Variants in ACTN4 observed in about 807,000 individuals in gnomAD.
The protein encoded by ACTN4 is actinin alpha 4.
A neutral mutation model predicts 114.2 loss-of-function variants in ACTN4; 18 were observed. The ratio of observed to expected loss-of-function variants is 0.16; its 90% CI spans 0.11 to 0.23. ACTN4 has a LOEUF of 0.23. Among genes scored for constraint, ACTN4 ranks in the 10% least tolerant of loss-of-function variants. The pLI, the probability that ACTN4 is intolerant of heterozygous loss-of-function variation, is 1.00. For synonymous variants in ACTN4, 515 were observed against 506.3 expected (o/e 1.02, Z -0.23); for missense variants, 722 against 1,262.9 (o/e 0.57, Z 6.49).
chr19:38,700,462 C>A, intron 1 of ACTN4, 138 bp from the exon 2 acceptor site: 1 of 741,490 alleles, frequency 1.3e-6, no homozygotes, highest in Non-Finnish European at 2.4e-6. Flanking sequence ...GTGTATCGGC[C>A]ATGTACGGTG....
At chr19:38,687,230 C>A (rs542664841) in intron 1 of ACTN4, among the ~76,000 whole-genome samples, 1 of 152,310 alleles carries the variant, frequency 6.6e-6, no homozygotes, top group East Asian at 1.9e-4. Flanking sequence ...CCTCAGCCCC[C>A]CCAAAGTGCT....
At chr19:38,666,131 C>T (rs896009577) in intron 1 of ACTN4, among the ~76,000 whole-genome samples, 1 of 152,130 alleles carries the variant, frequency 6.6e-6, no homozygotes, top group African/African-American at 2.4e-5. Flanking sequence ...GTGCTTCTCA[C>T]GCCTGCTGCT....
In ACTN4 at chr19:38,728,009, G is replaced by A. The variant is rs141727248; in HGVS notation, c.2401G>A (p.Val801Met). The A allele has an allele frequency of 5.8e-3, 9,346 of 1,612,964 alleles. 29 individuals are homozygous for A. The highest frequency in any genetic ancestry group is 7.1e-3 in the Non-Finnish European group (8,395 of 1,179,846). Residue 801 changes from valine to methionine, a missense_variant, in exon 19 of 21, where the codon GTG becomes ATG. This residue lies in a region of ACTN4 where 523 missense variants were observed against 875.9 expected (regional missense o/e 0.60). Transcript: ENST00000252699. ...KACLISLGYD[V>M]ENDRQGEAEF... is the part of the protein sequence containing the mutation. The stretch of plus-strand genomic sequence containing the variant: ...CTGCCTCATCAGCCTGGGCTACGAC[G>A]TGGAGAACGACCGGCAGGTACTGCA...
At chr19:38,709,309 T>G in intron 6 of ACTN4, 86 bp from the exon 7 acceptor site, 1 of 1,030,470 alleles carries the variant, frequency 9.7e-7, no homozygotes, top group Non-Finnish European at 1.5e-6. Context: ...CTCCCGGGTC[T>G]CTCCCTCTGG....
intron 4 of ACTN4, among the ~76,000 whole-genome samples, 166 bp downstream of exon 4, chr19:38,705,186 C>T (rs1968415981): frequency 6.6e-6 from 1 of 152,198 alleles, no homozygotes; most frequent in South Asian, 2.1e-4. Flanking sequence ...AAGGGAGGCT[C>T]CTCCCAGCTG....
intron 1 of ACTN4, among the ~76,000 whole-genome samples, chr19:38,674,842 C>T (rs1003619687): frequency 6.6e-6 from 1 of 152,198 alleles, no homozygotes; most frequent in Non-Finnish European, 1.5e-5. Context: ...ATCAGTGTGC[C>T]TACCATTCAG....
chr19:38,660,377 T>C (rs969119539), intron 1 of ACTN4, among the ~76,000 whole-genome samples: 1 of 151,990 alleles, frequency 6.6e-6, no homozygotes, highest in African/African-American at 2.4e-5. Context: ...GTGCTTCCCA[T>C]GGACTGACTG....
rs118095019 is a variant in ACTN4 at position 38,717,573 on chromosome 19, G to C, written c.1143+257G>C. On this transcript the variant is annotated intron_variant, in intron 10 of 20. Transcript: ENST00000252699. This position sits in a 1 kb window ranked among gnomAD's most constrained non-coding sequence, Gnocchi z 4.0. Reference sequence around the variant, plus strand: ...CCTTGCCACGGGTTGTGTGGGTGTGGAGTGGTGTGAATTTGGAGCCGTGGT... The same window carrying C: ...CCTTGCCACGGGTTGTGTGGGTGTGCAGTGGTGTGAATTTGGAGCCGTGGT... Among the ~76,000 whole-genome samples, 3,815 of 152,254 alleles carry C rather than the reference G, an allele frequency of 0.025. 81 individuals carry two copies. The highest frequency in any genetic ancestry group is 0.06 in the Admixed American group (916 of 15,290).
Position 38,659,921 on chromosome 19 carries a change from C to CTTT in ACTN4, c.162+12028_162+12030dup, listed in dbSNP as rs3033328. On this transcript the variant is annotated intron_variant, in intron 1 of 20. Transcript: ENST00000252699. Reference sequence around the variant, plus strand: ...TTCCTCCATCTTATTTCTATATGATCTTTTTTTTTTTTTTTTGAGTTGGAG... The same window carrying CTTT: ...TTCCTCCATCTTATTTCTATATGATCTTTTTTTTTTTTTTTTTTTGAGTTGGAG... Among the ~76,000 whole-genome samples, 229 of 131,980 alleles carry CTTT rather than the reference C, an allele frequency of 1.7e-3. 7 individuals are homozygous for CTTT. Among genetic ancestry groups the CTTT allele is most frequent in the East Asian group, 3.5e-3 (16 of 4,522 alleles). The allele number at this position is 131,980 out of a possible 152,430, so 86.6% of individuals were successfully genotyped here.
At chr19:38,670,480 A>G (rs1301261819) in intron 1 of ACTN4, among the ~76,000 whole-genome samples, 1 of 152,086 alleles carries the variant, frequency 6.6e-6, no homozygotes, top group African/African-American at 2.4e-5. Context: ...GGATTATCAC[A>G]TGGTAGGTGA....
At chr19:38,650,772 G>A (rs921912413) in intron 1 of ACTN4, among the ~76,000 whole-genome samples, 4 of 152,044 alleles carry the variant, frequency 2.6e-5, no homozygotes, top group East Asian at 1.9e-4. Flanking sequence ...TTTTGGAGAC[G>A]GAGTTTTGCT....
intron 1 of ACTN4, among the ~76,000 whole-genome samples, chr19:38,663,245 G>A (rs751061325): frequency 2.2e-4 from 33 of 152,172 alleles, no homozygotes; most frequent in Non-Finnish European, 3.7e-4. Context: ...TGTGTAACAT[G>A]AGTTGGGGCT....
chr19:38,692,546 G>A (rs370429413), intron 1 of ACTN4, among the ~76,000 whole-genome samples: 11 of 152,244 alleles, frequency 7.2e-5, no homozygotes, highest in East Asian at 3.8e-4. Flanking sequence ...TGCCTGTGCC[G>A]CTGGTAACCC....
chr19:38,677,088 G>A (rs575001839), intron 1 of ACTN4, among the ~76,000 whole-genome samples: 2 of 152,150 alleles, frequency 1.3e-5, no homozygotes, highest in African/African-American at 4.8e-5. Context: ...TGCCCCTTTC[G>A]CCTCAGCTCG....
At chr19:38,681,129 GAAAAAAAAAAA>G (rs35906770) in intron 1 of ACTN4, among the ~76,000 whole-genome samples, 4 of 69,290 alleles carry the variant, frequency 5.8e-5, no homozygotes, top group African/African-American at 1.3e-4. Flanking sequence ...CCAATCTCTA[GAAAAAAAAAAA>G]AAAAAAAAAA....
At chr19:38,684,779 C>T (rs1721829920) in intron 1 of ACTN4, among the ~76,000 whole-genome samples, 1 of 152,112 alleles carries the variant, frequency 6.6e-6, no homozygotes, top group South Asian at 2.1e-4. Flanking sequence ...CTTTCTCTCT[C>T]TGTGGTCATG....
chr19:38,651,747 T>G (rs900565214), intron 1 of ACTN4, among the ~76,000 whole-genome samples: 3 of 151,368 alleles, frequency 2.0e-5, no homozygotes, highest in African/African-American at 7.3e-5. Flanking sequence ...TTTTGTTTTG[T>G]TTTTTTTGAG....
rs974937396 is a variant in ACTN4 at position 38,704,879 on chromosome 19, A to G, written c.398-55A>G. On this transcript the variant is annotated intron_variant, in intron 3 of 20. Coordinates refer to ENST00000252699, the MANE Select transcript of ACTN4 (RefSeq NM_004924.6). ...AGGCCACCTTCAGGTTGGGCGGAGG[A>G]GCCTCACTCTGGTTTTAACGACCTT... The G allele has an allele frequency of 7.2e-6, 11 of 1,538,042 alleles. No homozygotes were observed. The African/African-American group carries it at 1.5e-4, about 21-fold the overall frequency.
chr19:38,726,883 G>T (rs1028666005), intron 17 of ACTN4, 74 bp from the exon 18 acceptor site: 1 of 1,601,352 alleles, frequency 6.2e-7, no homozygotes, highest in African/African-American at 1.3e-5. Flanking sequence ...ACAGTTCACA[G>T]TCCTCCACGT....
Sources: allele counts gnomAD v4.1 joint callset (sites outside exome capture counted in the v4.1 genomes callset), GRCh38; gene constraint gnomAD v4.1.1; regional missense constraint gnomAD v4.1.1; non-coding constraint Gnocchi (gnomAD v3.1); transcripts MANE v1.5; gene names NCBI Gene and HGNC (gene_info 2026-07-23, HGNC 2026-07-21).